The following PTGS1 variants were observed in gnomAD, a reference collection of about 807,000 sequenced individuals.
PTGS1 encodes prostaglandin-endoperoxide synthase 1, also known as prostaglandin G/H synthase 1.
A neutral mutation model predicts 63.0 loss-of-function variants in PTGS1; 40 were observed. The ratio of observed to expected loss-of-function variants is 0.63; its 90% CI spans 0.49 to 0.83. The LOEUF is 0.83. Ranked by LOEUF, PTGS1 falls within the 40% of genes least tolerant of loss-of-function variation. The pLI is 0.00. For synonymous variants in PTGS1, 298 were observed against 301.9 expected, an observed-to-expected ratio of 0.99 and a Z score of 0.13; for missense variants, 709 against 786.5, an observed-to-expected ratio of 0.90 and a Z score of 1.18.
In PTGS1 at chr9:122,393,453, C is replaced by T. The variant is rs201321707; in HGVS notation, c.*909C>T. 2.2e-4 allele frequency: 34 copies of T among 152,306 alleles called. No individual in the cohort carries two copies. Among genetic ancestry groups the T allele is most frequent in the African/African-American group, 7.7e-4 (32 of 41,556 alleles). 9.4% of individuals were successfully genotyped at this position (152,306 alleles called of 1,614,324 possible). A position where few individuals can be genotyped will look rare whatever the true frequency, so the allele number is the denominator to read the frequency against. ...TTGGGCCCATCACTGTATAGACATGCTACCACTGGTACTTCCTTTCTCCCT... is the reference window on the plus strand; with the variant it reads ...TTGGGCCCATCACTGTATAGACATGTTACCACTGGTACTTCCTTTCTCCCT... On this transcript the variant is annotated 3_prime_UTR_variant, in exon 11 of 11. Transcript: ENST00000362012.
Position 122,378,860 on chromosome 9 carries a change from T to C in PTGS1, c.438T>C (p.Tyr146=). Residue 146 remains tyrosine, a synonymous_variant, in exon 5 of 11, where the codon TAT becomes TAC. Coordinates refer to ENST00000362012, the MANE Select transcript of PTGS1 (RefSeq NM_000962.4). ...ISWESFSNVS[Y]YTRILPSVPK... ...GGGAGTCTTTCTCCAACGTGAGCTA[T>C]TACACTCGTATTCTGCCCTCTGTGC... 1 of 1,614,224 alleles carries C rather than the reference T, an allele frequency of 6.2e-7. No homozygotes were observed. Among genetic ancestry groups the C allele is most frequent in the South Asian group, 1.1e-5 (1 of 91,086 alleles).
rs1407184368 is a variant in PTGS1 at position 122,381,491 on chromosome 9, A to T, written c.617A>T (p.His206Leu). Reference protein sequence around the residue: ...MFAFFAQHFTHQFFKTSGKMG... With the variant: ...MFAFFAQHFTLQFFKTSGKMG... ...GCCTTCTTTGCACAACACTTCACCCACCAGTTCTTCAAAACTTCTGGCAAG... is the reference window on the plus strand; with the variant it reads ...GCCTTCTTTGCACAACACTTCACCCTCCAGTTCTTCAAAACTTCTGGCAAG... Residue 206 changes from histidine (H) to leucine (L), a missense_variant, in exon 6 of 11, where the codon CAC (histidine) becomes CTC (leucine). Transcript: ENST00000362012. The T allele has an allele frequency of 6.2e-7, 1 of 1,614,098 alleles. No individual in the cohort carries two copies. Among genetic ancestry groups the T allele is most frequent in the Non-Finnish European group, 8.5e-7 (1 of 1,180,014 alleles).
chr9:122,373,882 A>G (rs1308645667), intron 2 of PTGS1, among the ~76,000 whole-genome samples: 1 of 151,106 alleles, frequency 6.6e-6, no homozygotes, highest in Non-Finnish European at 1.5e-5. Flanking sequence ...TCTGGCTGCC[A>G]GGTCCCCAGA....
rs151025665 is a variant in PTGS1 at position 122,383,543 on chromosome 9, A to C, written c.797A>C (p.Glu266Ala). 4.7e-5 allele frequency: 76 copies of C among 1,613,178 alleles called. No individual in the cohort carries two copies. Among genetic ancestry groups the C allele is most frequent in the Non-Finnish European group, 6.4e-5 (75 of 1,179,374 alleles). ...LDGEMYPPSVEEAPVLMHYPR... is the reference protein window; with the variant it reads ...LDGEMYPPSVAEAPVLMHYPR... ...GGAGAAATGTACCCGCCCTCGGTAG[A>C]AGAGGCGCCTGTGTTGATGCACTAC... The change falls in exon 8 of 11, where the codon GAA becomes GCA. Residue 266 changes from glutamate (E) to alanine (A), a missense_variant. Coordinates refer to ENST00000362012, the MANE Select transcript of PTGS1 (RefSeq NM_000962.4).
At chr9:122,376,095 C>T (rs907051199) in intron 2 of PTGS1, among the ~76,000 whole-genome samples, 11 of 151,976 alleles carry the variant, frequency 7.2e-5, no homozygotes, top group African/African-American at 2.2e-4. Flanking sequence ...TGAGCCAGCA[C>T]GGGGGCTGCT....
At chr9:122,382,616 G>A (rs1837593888) in intron 7 of PTGS1, among the ~76,000 whole-genome samples, 1 of 152,164 alleles carries the variant, frequency 6.6e-6, no homozygotes, top group South Asian at 2.1e-4. Context: ...ATTCACACTA[G>A]CCAAATTTCT....
Position 122,378,030 on chromosome 9 carries a change from C to T in PTGS1, c.211+15C>T, listed in dbSNP as rs1332901154. 1.2e-6 allele frequency: 2 copies of T among 1,602,444 alleles called. No homozygotes were observed. The highest frequency in any genetic ancestry group is 1.7e-6 in the Non-Finnish European group (2 of 1,172,236). ...CTGCACCATCCGTGAGCTGGGCCTT[C>T]AGCCCTCACTCCTTCCGTCTTGAGC... On this transcript the variant is annotated intron_variant, in intron 3 of 10. Coordinates refer to ENST00000362012, the MANE Select transcript of PTGS1 (RefSeq NM_000962.4).
chr9:122,379,363 G>A (rs1466425586), intron 5 of PTGS1, among the ~76,000 whole-genome samples: 1 of 152,122 alleles, frequency 6.6e-6, no homozygotes, highest in Non-Finnish European at 1.5e-5. Flanking sequence ...TAGCCACACT[G>A]GCAGGGGTCT....
At chr9:122,386,394 C>G in intron 8 of PTGS1, 52 bp from the exon 9 acceptor site, 1 of 1,580,842 alleles carries the variant, frequency 6.3e-7, no homozygotes, top group African/African-American at 1.3e-5. Flanking sequence ...CCAAGCTGGG[C>G]ATCTAAATCA....
Position 122,375,200 on chromosome 9 carries a change from G to A in PTGS1, c.95-2699G>A, listed in dbSNP as rs112592990. On this transcript the variant is annotated intron_variant, in intron 2 of 10. Coordinates refer to ENST00000362012, the MANE Select transcript of PTGS1 (RefSeq NM_000962.4). ...GAGCAGTGGTGTTTATGGAAAGAAC[G>A]TGGCGGGGGAGGCGGGAGGGGGGAA... 1,353 of 693,230 alleles carry A rather than the reference G, an allele frequency of 2.0e-3. 3 individuals carry two copies. Among genetic ancestry groups the A allele is most frequent in the Non-Finnish European group, 2.2e-3 (1,259 of 563,288 alleles). 42.9% of individuals were successfully genotyped at this position (693,230 alleles called of 1,614,324 possible).
In PTGS1 at chr9:122,383,595, G is replaced by A; in HGVS notation, c.849G>A (p.Gln283=). ...CCCGAGGCATCCCGCCCCAGAGCCA[G>A]ATGGCTGTGGGCCAGGAGGTGTTTG... is the stretch of plus-strand genomic sequence containing the variant. ...HYPRGIPPQS[Q]MAVGQEVFGL... is the part of the protein sequence containing the mutation. Residue 283 remains glutamine (Q), a synonymous_variant, in exon 8 of 11, where the codon CAG becomes CAA. Coordinates refer to ENST00000362012, the MANE Select transcript of PTGS1 (RefSeq NM_000962.4). 1 of 1,614,196 alleles carries A rather than the reference G, an allele frequency of 6.2e-7. No homozygotes were observed. Among genetic ancestry groups the A allele is most frequent in the Non-Finnish European group, 8.5e-7 (1 of 1,180,024 alleles).
In PTGS1 at chr9:122,378,245, C is replaced by T. The variant is rs905558658; in HGVS notation, c.212-188C>T. On this transcript the variant is annotated intron_variant, in intron 3 of 10. Transcript: ENST00000362012. Reference sequence around the variant, plus strand: ...GGTGAGTCTTCACCACATGCCCTGGCCCCTGTCCTCACGCCCGGTTCTGTC... The same window carrying T: ...GGTGAGTCTTCACCACATGCCCTGGTCCCTGTCCTCACGCCCGGTTCTGTC... Among the ~76,000 whole-genome samples the T allele has an allele frequency of 2.0e-5, 3 of 152,212 alleles. No homozygotes were observed. In the East Asian group the frequency reaches 5.8e-4, roughly 29 times the overall value.
At chr9:122,373,012 G>T (rs1481168600) in intron 2 of PTGS1, among the ~76,000 whole-genome samples, 2 of 152,012 alleles carry the variant, frequency 1.3e-5, no homozygotes, top group Admixed American at 6.5e-5. Flanking sequence ...GGGAGCAGGG[G>T]TGTGCGGAGC....
intron 7 of PTGS1, among the ~76,000 whole-genome samples, chr9:122,382,183 T>C (rs1413180033): frequency 2.6e-5 from 4 of 152,136 alleles, no homozygotes; most frequent in African/African-American, 4.8e-5. Context: ...AGAAATATAA[T>C]GTGAACCACA....
intron 2 of PTGS1, among the ~76,000 whole-genome samples, chr9:122,376,998 C>T (rs752227785): frequency 6.7e-4 from 102 of 152,170 alleles, no homozygotes; most frequent in Admixed American, 1.1e-3. Flanking sequence ...TGCCAGAGCT[C>T]CATGCACCCT....
intron 2 of PTGS1, chr9:122,375,395 C>T (rs1421779199): frequency 3.0e-6 from 3 of 985,404 alleles, no homozygotes; most frequent in African/African-American, 3.5e-5. Flanking sequence ...CCACCTCAGA[C>T]AGCTGTTGAG....
chr9:122,375,108 C>T (rs1169388279), intron 2 of PTGS1, among the ~76,000 whole-genome samples: 1 of 152,200 alleles, frequency 6.6e-6, no homozygotes, highest in African/African-American at 2.4e-5. Flanking sequence ...CTCCGCCCAC[C>T]CTGACACCTT....
rs1349486095 is a variant in PTGS1 at position 122,378,490 on chromosome 9, T to G, written c.269T>G (p.Phe90Cys). The G allele has an allele frequency of 1.2e-6, 2 of 1,614,216 alleles. No individual in the cohort carries two copies. Among genetic ancestry groups the G allele is most frequent in the South Asian group, 2.2e-5 (2 of 91,084 alleles). The change falls in exon 4 of 11, where the codon TTC becomes TGC. Residue 90 changes from phenylalanine (F) to cysteine (C), a missense_variant. Phe to Cys is a radical substitution (Grantham distance 205). Transcript: ENST00000362012. ...CGGCCCAGCCCCTCTTTCACCCACT[T>G]CCTGCTCACTCACGGGCGCTGGTTC... Reference protein sequence around the residue: ...SLRPSPSFTHFLLTHGRWFWE... With the variant: ...SLRPSPSFTHCLLTHGRWFWE...
intron 8 of PTGS1, among the ~76,000 whole-genome samples, chr9:122,384,942 T>C (rs531105701): frequency 5.3e-5 from 8 of 152,174 alleles, no homozygotes; most frequent in Non-Finnish European, 8.8e-5. Context: ...AACCCTAATA[T>C]AGTATTGCAT....
Sources: allele counts gnomAD v4.1 joint callset (sites outside exome capture counted in the v4.1 genomes callset), GRCh38; gene constraint gnomAD v4.1.1; transcripts MANE v1.5; gene names NCBI Gene and HGNC (gene_info 2026-07-23, HGNC 2026-07-21).